NRXN1: variants seen among roughly 807,000 people sequenced by gnomAD.
The protein encoded by NRXN1 is neurexin 1, also known as neurexin-1.
Under a neutral mutation model 150.9 loss-of-function variants are expected in NRXN1, and 39 were observed. The ratio of observed to expected loss-of-function variants is 0.26; its 90% CI spans 0.20 to 0.34. The LOEUF (loss-of-function observed/expected upper bound fraction) is 0.34. Among genes scored for constraint, NRXN1 ranks in the 10% least tolerant of loss-of-function variants. NRXN1 has a pLI of 1.00. For missense variants in NRXN1, 1,815 were observed against 1,949.9 expected (o/e 0.93, Z 1.30); for synonymous variants, 924 against 757.0 (o/e 1.22, Z -3.62).
chr2:50,252,258 C>CTTTTTTTTTTTTTTT (rs143522284), intron 17 of NRXN1, among the ~76,000 whole-genome samples: 7 of 69,708 alleles, frequency 1.0e-4, no homozygotes, highest in Non-Finnish European at 1.5e-4. Context: ...TTTTTCTTTT[C>CTTTTTTTTTTTTTTT]TTTTTTTTTT....
At chr2:50,930,441 A>T (rs868008917) in intron 2 of NRXN1, among the ~76,000 whole-genome samples, 8 of 152,124 alleles carry the variant, frequency 5.3e-5, no homozygotes, top group African/African-American at 1.4e-4. Flanking sequence ...AGTTATTGCG[A>T]TTTATAGTGA....
At chr2:50,944,070 A>G (rs554827087) in intron 2 of NRXN1, among the ~76,000 whole-genome samples, 14 of 152,358 alleles carry the variant, frequency 9.2e-5, no homozygotes, top group Non-Finnish European at 1.9e-4. Context: ...TTGTTTAGAC[A>G]GAATTAAAAA....
intron 12 of NRXN1, among the ~76,000 whole-genome samples, chr2:50,522,433 T>C (rs2092813743): frequency 6.6e-6 from 1 of 152,218 alleles, no homozygotes; most frequent in South Asian, 2.1e-4. Context: ...TTAACGTGAA[T>C]AAATTAATAA....
At chr2:50,556,667 G>A (rs1668307194) in intron 8 of NRXN1, among the ~76,000 whole-genome samples, 1 of 151,786 alleles carries the variant, frequency 6.6e-6, no homozygotes, top group East Asian at 1.9e-4. Flanking sequence ...CACATTCCTA[G>A]GGTTTACCTT....
chr2:50,756,254 C>T (rs1391102846), intron 5 of NRXN1, among the ~76,000 whole-genome samples: 2 of 151,642 alleles, frequency 1.3e-5, no homozygotes, highest in South Asian at 2.1e-4. Flanking sequence ...CTAGGTATGG[C>T]TTCACCTAAA....
chr2:50,054,422 T>G (rs1693279232), intron 20 of NRXN1, among the ~76,000 whole-genome samples: 2 of 152,136 alleles, frequency 1.3e-5, no homozygotes, highest in African/African-American at 4.8e-5. Flanking sequence ...TGCACACAAC[T>G]TTAAGTTCAG....
chr2:50,277,162 C>A (rs2070598677), intron 17 of NRXN1, among the ~76,000 whole-genome samples: 1 of 152,050 alleles, frequency 6.6e-6, no homozygotes, highest in Non-Finnish European at 1.5e-5. Context: ...ACAAAAAAAG[C>A]CTAACATTTG....
chr2:50,604,571 C>T (rs1190639742), intron 8 of NRXN1, among the ~76,000 whole-genome samples: 4 of 152,120 alleles, frequency 2.6e-5, no homozygotes, highest in African/African-American at 9.7e-5. Flanking sequence ...TACACCTGCA[C>T]CTTTTCTCCA....
chr2:50,120,688 C>T (rs1416291037), intron 18 of NRXN1, among the ~76,000 whole-genome samples: 1 of 152,012 alleles, frequency 6.6e-6, no homozygotes, highest in Non-Finnish European at 1.5e-5. Flanking sequence ...TACTTAGTCT[C>T]TATTTATTAA....
chr2:50,539,365 T>G (rs993815132), intron 9 of NRXN1, among the ~76,000 whole-genome samples: 3 of 152,224 alleles, frequency 2.0e-5, no homozygotes, highest in African/African-American at 7.2e-5. Flanking sequence ...TAGTTATTTA[T>G]TTAAATTAAC....
rs1188378248 is a variant in NRXN1 at position 50,434,803 on chromosome 2, A to T, written c.3364+30639T>A. Among the ~76,000 whole-genome samples, 5 of 149,592 alleles carry T rather than the reference A, an allele frequency of 3.3e-5. No individual in the cohort carries two copies. In the Admixed American group the frequency reaches 3.3e-4, roughly 10 times the overall value. ...TTCTCACTGCTGCTCTCATAAGACT[A>T]TTTTTTTTTTCCCTCCTGCAGATCA... On this transcript the variant is annotated intron_variant, in intron 17 of 22. Coordinates refer to ENST00000401669, the MANE Select transcript of NRXN1 (RefSeq NM_001330078.2).
intron 17 of NRXN1, among the ~76,000 whole-genome samples, chr2:50,416,928 ATACCTTT>A: frequency 6.6e-6 from 1 of 152,172 alleles, no homozygotes; most frequent in Non-Finnish European, 1.5e-5. Context: ...GGATATGTGT[ATACCTTT>A]TTCAGAAAGT....
intron 17 of NRXN1, among the ~76,000 whole-genome samples, chr2:50,253,606 G>T (rs991376064): frequency 2.0e-5 from 3 of 152,134 alleles, no homozygotes; most frequent in African/African-American, 7.2e-5. Flanking sequence ...AGTTTATTGA[G>T]AGTTTTTAAC....
At chr2:50,268,129 G>A (rs1174921570) in intron 17 of NRXN1, among the ~76,000 whole-genome samples, 1 of 152,182 alleles carries the variant, frequency 6.6e-6, no homozygotes, top group African/African-American at 2.4e-5. Flanking sequence ...GGCAGAGGTT[G>A]CAGTGAGCAG....
intron 17 of NRXN1, among the ~76,000 whole-genome samples, chr2:50,302,637 T>C (rs1488746926): frequency 6.6e-6 from 1 of 152,158 alleles, no homozygotes; most frequent in Non-Finnish European, 1.5e-5. Context: ...TATATAAATG[T>C]GGCATTTTAA....
intron 5 of NRXN1, among the ~76,000 whole-genome samples, chr2:50,744,983 C>T (rs1481621027): frequency 6.6e-6 from 1 of 152,000 alleles, no homozygotes; most frequent in East Asian, 1.9e-4. Flanking sequence ...CACATGCTGC[C>T]CTCTCAGTGA....
intron 15 of NRXN1, among the ~76,000 whole-genome samples, chr2:50,481,842 T>C (rs1179772535): frequency 8.0e-6 from 1 of 125,616 alleles, no homozygotes; most frequent in Admixed American, 9.4e-5. Context: ...CTCGGCTCAC[T>C]GCAAGCTCCG....
At chr2:49,951,014 G>A (rs1159124970) in intron 21 of NRXN1, among the ~76,000 whole-genome samples, 1 of 151,850 alleles carries the variant, frequency 6.6e-6, no homozygotes, top group Non-Finnish European at 1.5e-5. Context: ...TGTTTAAAAA[G>A]TATGCAATGG....
At chr2:50,129,004 A>C (rs995652224) in intron 18 of NRXN1, among the ~76,000 whole-genome samples, 3 of 151,590 alleles carry the variant, frequency 2.0e-5, no homozygotes, top group African/African-American at 7.3e-5. Context: ...TAAATAAATA[A>C]ATAAATAAAT....
Sources: allele counts gnomAD v4.1 joint callset (sites outside exome capture counted in the v4.1 genomes callset), GRCh38; gene constraint gnomAD v4.1.1; transcripts MANE v1.5; gene names NCBI Gene and HGNC (gene_info 2026-07-23, HGNC 2026-07-21).